Variants in FLACC1 observed in about 807,000 individuals in gnomAD.
FLACC1 encodes flagellum-associated coiled-coil domain-containing protein 1.
A neutral mutation model predicts 62.8 loss-of-function variants in FLACC1; 66 were observed. The ratio of observed to expected loss-of-function variants is 1.05; its 90% CI spans 0.86 to 1.29. FLACC1 has a LOEUF of 1.29. FLACC1 is among the 50% of genes most tolerant of loss of function. The pLI is 0.00. For synonymous variants in FLACC1, 156 were observed against 161.0 expected, an observed-to-expected ratio of 0.97 and a Z score of 0.24; for missense variants, 452 against 489.1, an observed-to-expected ratio of 0.92 and a Z score of 0.71.
chr2:201,347,764 C>T (rs1303619252), intron 4 of FLACC1, among the ~76,000 whole-genome samples: 1 of 152,188 alleles, frequency 6.6e-6, no homozygotes, highest in African/African-American at 2.4e-5. Flanking sequence ...CTGCGTCAGA[C>T]CAGTAAAGGC....
rs755573270 is a variant in FLACC1, at chr2:201,330,816, T to G, written c.542A>C (p.His181Pro). The G allele has an allele frequency of 1.2e-6, 2 of 1,613,316 alleles. No individual in the cohort carries two copies. Among genetic ancestry groups the G allele is most frequent in the African/African-American group, 2.7e-5 (2 of 74,928 alleles). ...CTCCAACTCACTGAGTTCTGCTTCA[T>G]GGGCCTCTTTGAGCTCCCTGTGGGA... Reference protein sequence around the residue: ...ENKNRELKEAHEAELSELENN... With the variant: ...ENKNRELKEAPEAELSELENN... Residue 181 changes from histidine to proline, a missense_variant, in exon 8 of 15, where the codon CAT becomes CCT. Physicochemically the swap from His to Pro is moderately conservative, Grantham distance 77. Around this residue, in one of 3 missense-constraint regions of FLACC1, gnomAD observed 301 missense variants for 318.4 expected, o/e 0.95. Coordinates refer to ENST00000392257, the MANE Select transcript of FLACC1 (RefSeq NM_001127391.3).
chr2:201,320,172 C>T (rs1037814160), intron 9 of FLACC1, among the ~76,000 whole-genome samples: 9 of 152,348 alleles, frequency 5.9e-5, no homozygotes, highest in Middle Eastern at 3.4e-3. Context: ...CTGTTCCTCA[C>T]GGGGAACCCT....
At chr2:201,358,628 G>A (rs925077450), upstream of FLACC1, among the ~76,000 whole-genome samples, 381 of 151,814 alleles carry the variant, frequency 2.5e-3, no homozygotes, top group African/African-American at 7.8e-3. Flanking sequence ...CGTTTTAGCC[G>A]GGATGGTCTC....
chr2:201,301,734 C>T (rs1026295783), intron 11 of FLACC1, among the ~76,000 whole-genome samples: 7 of 152,264 alleles, frequency 4.6e-5, no homozygotes, highest in South Asian at 4.1e-4. Flanking sequence ...GTGGATCTCT[C>T]GGCAGAAACT....
upstream of FLACC1, among the ~76,000 whole-genome samples, chr2:201,359,906 G>A (rs187613843): frequency 1.3e-5 from 2 of 151,518 alleles, no homozygotes; most frequent in Admixed American, 6.6e-5. Flanking sequence ...TGTGTTTAAT[G>A]TGTAAAATTT....
intron 7 of FLACC1, among the ~76,000 whole-genome samples, chr2:201,333,071 CG>C (rs1950625951): frequency 6.6e-6 from 1 of 152,132 alleles, no homozygotes; most frequent in Non-Finnish European, 1.5e-5. Flanking sequence ...GGTAAGCACT[CG>C]GAAGTGGGAT....
chr2:201,309,133 T>G lies in FLACC1; in HGVS notation c.775+18A>C. ...TTAATGCACTTGTCATCAAAAAAGC[T>G]AGAGTTTCTGTACTCACTTTGCTGT... On this transcript the variant is annotated intron_variant, in intron 10 of 14. Coordinates refer to ENST00000392257, the MANE Select transcript of FLACC1 (RefSeq NM_001127391.3). The G allele has an allele frequency of 6.2e-7, 1 of 1,603,246 alleles. No individual in the cohort carries two copies. The highest frequency in any genetic ancestry group is 8.5e-7 in the Non-Finnish European group (1 of 1,170,244).
the FLACC1 span, among the ~76,000 whole-genome samples, chr2:201,363,179 A>G: frequency 6.6e-5 from 10 of 151,998 alleles, no homozygotes; most frequent in African/African-American, 2.4e-4. Flanking sequence ...ATTGTGGTAC[A>G]GCGTGGCTCT....
chr2:201,350,365 A>G (rs2125622891), intron 3 of FLACC1, among the ~76,000 whole-genome samples: 1 of 152,258 alleles, frequency 6.6e-6, no homozygotes, highest in African/African-American at 2.4e-5. Flanking sequence ...AGCCTGGGTG[A>G]CAGAGCAAGA....
intron 1 of FLACC1, chr2:201,351,761 T>G (rs1951033027): frequency 5.1e-6 from 1 of 197,968 alleles, no homozygotes. Flanking sequence ...CTGGCCAACA[T>G]GGTGAAACCC....
intron 9 of FLACC1, among the ~76,000 whole-genome samples, chr2:201,324,885 T>C (rs1175383805): frequency 6.6e-6 from 1 of 152,106 alleles, no homozygotes; most frequent in South Asian, 2.1e-4. Flanking sequence ...TTCTAGCACT[T>C]TGGGAGGCCA....
At chr2:201,363,540 C>A in the FLACC1 span, among the ~76,000 whole-genome samples, 1 of 152,084 alleles carries the variant, frequency 6.6e-6, no homozygotes, top group Non-Finnish European at 1.5e-5. Flanking sequence ...CCTCTCTGCT[C>A]CATGACCAGG....
At chr2:201,352,345 C>T (rs1559424150) in intron 1 of FLACC1, among the ~76,000 whole-genome samples, 1 of 152,202 alleles carries the variant, frequency 6.6e-6, no homozygotes, top group Non-Finnish European at 1.5e-5. Context: ...TCCCAAAAAA[C>T]AAAACCCCTA....
chr2:201,325,349 A>G (rs554510707), intron 9 of FLACC1, among the ~76,000 whole-genome samples: 2 of 152,250 alleles, frequency 1.3e-5, no homozygotes, highest in African/African-American at 4.8e-5. Flanking sequence ...CAAAAAATAT[A>G]AAAAGATCAA....
In FLACC1 at chr2:201,326,823, T is replaced by G. The variant is rs1181751692; in HGVS notation, c.675+3647A>C. ...ATTTTTCACAGAATTAGAAAAAAAG[T>G]TCTAAAATTCATATGGAACCAAAAA... is the stretch of plus-strand genomic sequence containing the variant. On this transcript the variant is annotated intron_variant, in intron 9 of 14. Transcript: ENST00000392257. This position sits in a 1 kb window ranked among gnomAD's most constrained non-coding sequence, Gnocchi z 4.1. Among the ~76,000 whole-genome samples, 3 of 151,976 alleles carry G rather than the reference T, an allele frequency of 2.0e-5. No individual in the cohort carries two copies. In the East Asian group the frequency reaches 5.8e-4, roughly 29 times the overall value.
intron 12 of FLACC1, among the ~76,000 whole-genome samples, chr2:201,296,500 C>A (rs191425543): frequency 2.8e-5 from 3 of 106,606 alleles, no homozygotes; most frequent in Non-Finnish European, 5.3e-5. Flanking sequence ...CATCACACAC[C>A]GGGGCCTGTT....
At chr2:201,363,059 T>A in the FLACC1 span, among the ~76,000 whole-genome samples, 4 of 152,142 alleles carry the variant, frequency 2.6e-5, no homozygotes, top group Non-Finnish European at 5.9e-5. Flanking sequence ...TCCCCTGAGA[T>A]TGTGGTGCAG....
chr2:201,317,240 G>A (rs552251950), intron 9 of FLACC1, among the ~76,000 whole-genome samples: 4 of 152,178 alleles, frequency 2.6e-5, no homozygotes, highest in Non-Finnish European at 5.9e-5. Flanking sequence ...ACCCAAATCA[G>A]TAAAGAGGAA....
chr2:201,319,455 A>G (rs1409789461), intron 9 of FLACC1, among the ~76,000 whole-genome samples: 1 of 152,218 alleles, frequency 6.6e-6, no homozygotes, highest in Admixed American at 6.5e-5. Flanking sequence ...GCCTTGGGAA[A>G]GAATTTATGA....
Sources: allele counts gnomAD v4.1 joint callset (sites outside exome capture counted in the v4.1 genomes callset), GRCh38; gene constraint gnomAD v4.1.1; regional missense constraint gnomAD v4.1.1; non-coding constraint Gnocchi (gnomAD v3.1); transcripts MANE v1.5; gene names NCBI Gene and HGNC (gene_info 2026-07-23, HGNC 2026-07-21).